The following VPS11 variants were observed in gnomAD, a reference collection of about 807,000 sequenced individuals.
VPS11 encodes vacuolar protein sorting-associated protein 11 homolog.
Under a neutral mutation model 106.8 loss-of-function variants are expected in VPS11, and 51 were observed. The ratio of observed to expected loss-of-function variants is 0.48; its 90% CI spans 0.38 to 0.60. The LOEUF (loss-of-function observed/expected upper bound fraction) is 0.60, where lower values mean the gene tolerates loss of function less well. Ranked by LOEUF, VPS11 falls within the 20% of genes least tolerant of loss-of-function variation. The pLI is 0.00. For missense variants in VPS11, 950 were observed against 1,190.0 expected, an observed-to-expected ratio of 0.80 and a Z score of 2.97; for synonymous variants, 453 against 458.7, an observed-to-expected ratio of 0.99 and a Z score of 0.16.
In VPS11 at chr11:119,078,261, A is replaced by T; in HGVS notation, c.1850A>T (p.Asp617Val). ...FLEHMSEVQP[D>V]SPQGIYDTLL... ...GAGCACATGAGTGAAGTGCAGCCAG[A>T]CTCACCCCAGGGGATCTACGACACA... Residue 617 changes from aspartate to valine, a missense_variant, in exon 11 of 16, where the codon GAC becomes GTC. This residue lies in a region of VPS11 where 453 missense variants were observed against 514.6 expected (regional missense o/e 0.88). Coordinates refer to ENST00000621676, the MANE Select transcript of VPS11 (RefSeq NM_021729.6). 1 of 1,613,432 alleles carries T rather than the reference A, an allele frequency of 6.2e-7. No homozygotes were observed. The highest frequency in any genetic ancestry group is 8.5e-7 in the Non-Finnish European group (1 of 1,179,836).
Position 119,070,357 on chromosome 11 carries a change from A to G in VPS11, c.596A>G (p.Lys199Arg). Residue 199 changes from lysine (K) to arginine (R), a missense_variant, in exon 4 of 16, where the codon AAG (lysine) becomes AGG (arginine). Lys to Arg is a conservative substitution (Grantham distance 26). This residue lies in a region of VPS11 where 435 missense variants were observed against 630.2 expected (regional missense o/e 0.69). Coordinates refer to ENST00000621676, the MANE Select transcript of VPS11 (RefSeq NM_021729.6). ...VTGLAFRQAG[K>R]TTHLFVVTTE... ...GGATTGGCCTTTCGCCAAGCAGGAA[A>G]GACCACTCACTTGTTTGTTGTGACA... 1 of 1,613,442 alleles carries G rather than the reference A, an allele frequency of 6.2e-7. No individual in the cohort carries two copies.
intron 11 of VPS11, 77 bp from the exon 12 acceptor site, chr11:119,078,488 G>C (rs1945721704): frequency 1.3e-6 from 2 of 1,585,234 alleles, no homozygotes; most frequent in African/African-American, 1.3e-5. Flanking sequence ...CTGAGGGAAA[G>C]AGTTGACTGG....
intron 7 of VPS11, among the ~76,000 whole-genome samples, chr11:119,075,253 C>T (rs1284568115): frequency 7.4e-4 from 112 of 151,300 alleles, no homozygotes; most frequent in African/African-American, 2.6e-3. Context: ...GGTATCAGAG[C>T]AGGACTGTCT....
intron 9 of VPS11, 61 bp downstream of exon 9, chr11:119,077,708 G>A: frequency 5.8e-6 from 9 of 1,544,522 alleles, no homozygotes; most frequent in Non-Finnish European, 7.0e-6. Flanking sequence ...CCAGGCTGGA[G>A]TTGAATTCCT....
rs1945645366 is a variant in VPS11, at chr11:119,076,992, G to A, written c.1334G>A (p.Arg445Gln). The A allele has an allele frequency of 2.5e-6, 4 of 1,613,800 alleles. No individual in the cohort carries two copies. Among genetic ancestry groups the A allele is most frequent in the East Asian group, 2.2e-5 (1 of 44,904 alleles). Residue 445 changes from arginine to glutamine, a missense_variant, in exon 8 of 16, where the codon CGA (arginine) becomes CAA (glutamine). Around this residue, in one of 3 missense-constraint regions of VPS11, gnomAD observed 435 missense variants for 630.2 expected, o/e 0.69. Coordinates refer to ENST00000621676, the MANE Select transcript of VPS11 (RefSeq NM_021729.6). Reference protein sequence around the residue: ...NLTAYLQTLHRQSLANADHTT... With the variant: ...NLTAYLQTLHQQSLANADHTT... Reference sequence around the variant, plus strand: ...ACTGCCTACCTGCAGACCCTGCACCGACAATCCCTGGCCAATGCCGACCAT... The same window carrying A: ...ACTGCCTACCTGCAGACCCTGCACCAACAATCCCTGGCCAATGCCGACCAT...
Position 119,071,725 on chromosome 11 carries a change from T to C in VPS11, c.766T>C (p.Tyr256His). 6.2e-7 allele frequency: 1 copy of C among 1,614,004 alleles called. No individual in the cohort carries two copies. The change falls in exon 5 of 16, where the codon TAC (tyrosine) becomes CAC (histidine). Residue 256 changes from tyrosine (Y) to histidine (H), a missense_variant. This residue lies in a region of VPS11 where 435 missense variants were observed against 630.2 expected (regional missense o/e 0.69). Transcript: ENST00000621676. Reference sequence around the variant, plus strand: ...CATTGTGGCCGGGGATGAGTGTGTCTACTTGTACCAGCCTGATGAACGTGG... The same window carrying C: ...CATTGTGGCCGGGGATGAGTGTGTCCACTTGTACCAGCCTGATGAACGTGG... ...QFIVAGDECV[Y>H]LYQPDERGPC...
chr11:119,073,728 T>C, intron 6 of VPS11, 72 bp from the exon 7 acceptor site: 1 of 1,516,120 alleles, frequency 6.6e-7, no homozygotes, highest in Non-Finnish European at 9.0e-7. Flanking sequence ...TTTTGTGTGT[T>C]GTGCGCACAT....
At chr11:119,068,829 G>A (rs1423001155) in intron 1 of VPS11, among the ~76,000 whole-genome samples, 1 of 151,888 alleles carries the variant, frequency 6.6e-6, no homozygotes, top group African/African-American at 2.4e-5. Context: ...TGGGCACACT[G>A]CAACCTCCGC....
intron 1 of VPS11, 124 bp downstream of exon 1, chr11:119,068,134 TG>T (rs1945193119): frequency 2.7e-6 from 3 of 1,121,320 alleles, no homozygotes; most frequent in Non-Finnish European, 3.7e-6. Context: ...CATCCAGAGT[TG>T]TTCTGTGGTC....
chr11:119,077,184 G>T, intron 8 of VPS11, 101 bp downstream of exon 8: 1 of 1,412,466 alleles, frequency 7.1e-7, no homozygotes, highest in South Asian at 1.3e-5. Context: ...GAGAGGAAAG[G>T]GCTGACCTTA....
At position 119,081,285 on chromosome 11, in the gene VPS11, C is replaced by T. The variant is rs782372120; in HGVS notation, c.2632C>T (p.Arg878Ter). 3.7e-6 allele frequency: 6 copies of T among 1,613,920 alleles called. No individual in the cohort carries two copies. Among genetic ancestry groups the T allele is most frequent in the East Asian group, 2.2e-5 (1 of 44,904 alleles). ...TATGATCCGGGCCCAGGAACAGAAA[C>T]GAGATCTCCATGATCAATTCCAGCA... ...MDMIRAQEQKRDLHDQFQHQL... is the reference protein window; with the variant it reads ...MDMIRAQEQK Residue 878 changes from arginine (R) to a stop codon, truncating the protein, a stop_gained, in exon 15 of 16, where the codon CGA becomes TGA. Coordinates refer to ENST00000621676, the MANE Select transcript of VPS11 (RefSeq NM_021729.6). LOFTEE classifies it high-confidence loss of function.
chr11:119,080,005 T>G (rs1204734680), intron 14 of VPS11, among the ~76,000 whole-genome samples: 1 of 152,234 alleles, frequency 6.6e-6, no homozygotes, highest in Non-Finnish European at 1.5e-5. Context: ...CAAAAAGCCT[T>G]CATGGAGCTT....
At chr11:119,068,203 G>T in intron 1 of VPS11, 193 bp downstream of exon 1, 1 of 572,114 alleles carries the variant, frequency 1.7e-6, no homozygotes. Context: ...GCAATCCTGG[G>T]CAAGTCATTT....
intron 7 of VPS11, 91 bp from the exon 8 acceptor site, chr11:119,076,806 G>A: frequency 7.0e-7 from 1 of 1,436,476 alleles, no homozygotes; most frequent in East Asian, 2.4e-5. Context: ...AATAGAATTT[G>A]CATTTTGAGA....
In VPS11 at chr11:119,071,640, C is replaced by T; in HGVS notation, c.681C>T (p.Asp227=). ...SGKDYPRVEL[D]THGCGLRCSA... ...AAGACTACCCTCGCGTGGAGTTGGA[C>T]ACCCATGGTTGTGGCCTGCGCTGCT... The change falls in exon 5 of 16, where the codon GAC becomes GAT. Residue 227 remains aspartate (D), a synonymous_variant. Transcript: ENST00000621676. 6.2e-7 allele frequency: 1 copy of T among 1,614,028 alleles called. No individual in the cohort carries two copies. The highest frequency in any genetic ancestry group is 1.1e-5 in the South Asian group (1 of 91,088).
At chr11:119,081,387 T>G in intron 15 of VPS11, 72 bp from the exon 16 acceptor site, 1 of 1,611,422 alleles carries the variant, frequency 6.2e-7, no homozygotes, top group Admixed American at 1.7e-5. Flanking sequence ...GCTTGTTTCC[T>G]TATCACCTCC....
rs781844807 is a variant in VPS11, at chr11:119,071,578, C to T, written c.637-18C>T. 1 of 1,613,250 alleles carries T rather than the reference C, an allele frequency of 6.2e-7. No individual in the cohort carries two copies. The highest frequency in any genetic ancestry group is 1.1e-5 in the South Asian group (1 of 91,038). On this transcript the variant is annotated intron_variant, in intron 4 of 15. Coordinates refer to ENST00000621676, the MANE Select transcript of VPS11 (RefSeq NM_021729.6). ...CCTCCTCAAAGGAGCCTGTTAACCC[C>T]TTTGTTGCTTCTGGCAGTCCTATAT...
At chr11:119,075,193 A>G (rs752115729) in intron 7 of VPS11, among the ~76,000 whole-genome samples, 6 of 151,842 alleles carry the variant, frequency 4.0e-5, no homozygotes, top group Non-Finnish European at 5.9e-5. Context: ...CCTGAACCCC[A>G]GAGGCGGAGC....
chr11:119,081,827 T>A lies in VPS11; in HGVS notation c.*204T>A. On this transcript the variant is annotated 3_prime_UTR_variant, in exon 16 of 16. Transcript: ENST00000621676. ...CCATCCCTCCTCTTCACTAGCAGTGTAGATCATTCCAGATCAGTGGGGGAG... is the reference window on the plus strand; with the variant it reads ...CCATCCCTCCTCTTCACTAGCAGTGAAGATCATTCCAGATCAGTGGGGGAG... 2.9e-6 allele frequency: 2 copies of A among 694,700 alleles called. No individual in the cohort carries two copies. The highest frequency in any genetic ancestry group is 4.7e-6 in the Non-Finnish European group (2 of 425,806). 43.0% of individuals were successfully genotyped at this position (694,700 alleles called of 1,614,324 possible). A position where few individuals can be genotyped will look rare whatever the true frequency, so the allele number is the denominator to read the frequency against.
Sources: gnomAD v4.1 joint callset for allele counts (sites outside exome capture counted in the v4.1 genomes callset) on GRCh38, gnomAD v4.1.1 for gene constraint, gnomAD v4.1.1 regional missense constraint, MANE v1.5 for transcripts, NCBI Gene and HGNC (gene_info 2026-07-23, HGNC 2026-07-21) for gene names.